The following CEP170B variants were observed in gnomAD, a reference collection of about 807,000 sequenced individuals.
CEP170B encodes the protein centrosomal protein 170B, also known as centrosomal protein of 170 kDa protein B.
In CEP170B, 55 loss-of-function variants were observed where a neutral mutation model predicts 120.6. That is an observed-to-expected ratio of 0.46 (90% CI 0.37 to 0.57). The LOEUF (loss-of-function observed/expected upper bound fraction) is 0.57. CEP170B is among the 20% of genes least tolerant of loss of function. The pLI is 0.00. For missense variants in CEP170B, 2,212 were observed against 2,253.3 expected (o/e 0.98, Z 0.37); for synonymous variants, 1,033 against 954.5 (o/e 1.08, Z -1.52).
Position 104,896,499 on chromosome 14 carries a change from C to T in CEP170B, c.*1541C>T, listed in dbSNP as rs577025632. ...AGTGGTCACGCTTCATCCACGGCTCCTTCCCACCCCTCGGCAGTGGCTGTG... is the reference window on the plus strand; with the variant it reads ...AGTGGTCACGCTTCATCCACGGCTCTTTCCCACCCCTCGGCAGTGGCTGTG... On this transcript the variant is annotated 3_prime_UTR_variant, in exon 19 of 19. Transcript: ENST00000414716. The T allele has an allele frequency of 1.4e-4, 62 of 446,886 alleles. No individual in the cohort carries two copies. The highest frequency in any genetic ancestry group is 9.5e-4 in the South Asian group (61 of 64,336). The allele number at this position is 446,886 out of a possible 1,614,324, so 27.7% of individuals were successfully genotyped here.
Position 104,889,670 on chromosome 14 carries a change from C to T in CEP170B, c.3790C>T (p.Pro1264Ser). The change falls in exon 13 of 19, where the codon CCC becomes TCC. Residue 1264 changes from proline (P) to serine (S), a missense_variant. Transcript: ENST00000414716. ...CTCCAGCCGGGCTCGTTCCCGGGCC[C>T]CCGGCCCCCGGGACACGGACGACGA... is the stretch of plus-strand genomic sequence containing the variant. Reference protein sequence around the residue: ...GSSSRARSRAPGPRDTDDDEE... With the variant: ...GSSSRARSRASGPRDTDDDEE... The T allele has an allele frequency of 6.2e-7, 1 of 1,612,150 alleles. No homozygotes were observed. The highest frequency in any genetic ancestry group is 8.5e-7 in the Non-Finnish European group (1 of 1,179,702).
At chr14:104,879,117 C>G (rs536082350) in intron 5 of CEP170B, among the ~76,000 whole-genome samples, 47 of 152,312 alleles carry the variant, frequency 3.1e-4, no homozygotes, top group African/African-American at 1.1e-3. Context: ...TTTAGATTCT[C>G]TGACATTACA....
rs191077488 is a variant in CEP170B at position 104,889,161 on chromosome 14, G to A, written c.3740-459G>A. 3.2e-4 allele frequency among the ~76,000 whole-genome samples: 48 copies of A among 152,336 alleles called. 2 individuals carry two copies. In the East Asian group the frequency reaches 8.9e-3, roughly 28 times the overall value. On this transcript the variant is annotated intron_variant, in intron 12 of 18. Coordinates refer to ENST00000414716, the MANE Select transcript of CEP170B (RefSeq NM_001112726.3). ...GTGTGGTCCAGCCTGGGCCGCAGCA[G>A]GTCCTGGTGGGGAGGTTTACTCTGT...
Position 104,868,164 on chromosome 14 carries a change from C to A in CEP170B, c.-27-260C>A, listed in dbSNP as rs181837949. On this transcript the variant is annotated intron_variant, in intron 1 of 18. Transcript: ENST00000414716. The surrounding 1 kb of genome is among the most constrained non-coding windows in gnomAD (Gnocchi z 5.9). ...ATAGAGGAGATGAGGTGTGCTGGGG[C>A]CTGGAGGATAAGGGAGAACCAGGCA... Among the ~76,000 whole-genome samples the A allele has an allele frequency of 6.6e-6, 1 of 152,234 alleles. No individual in the cohort carries two copies. Among genetic ancestry groups the A allele is most frequent in the African/African-American group, 2.4e-5 (1 of 41,536 alleles).
intron 8 of CEP170B, 57 bp downstream of exon 8, chr14:104,883,565 G>T (rs1300091073): frequency 4.1e-6 from 6 of 1,469,328 alleles, no homozygotes; most frequent in Non-Finnish European, 2.7e-6. Context: ...ACCGGACTTT[G>T]GCTGGGTCTG....
chr14:104,884,562 G>A lies in CEP170B; in HGVS notation c.1770+13G>A, dbSNP rs545203844. On this transcript the variant is annotated intron_variant, in intron 9 of 18. Transcript: ENST00000414716. ...GATGATCGACCAGGTGCAGCCCAGC[G>A]GCGAGTGAGAGCCCTCGTGGGGAAC... The A allele has an allele frequency of 8.6e-6, 13 of 1,512,456 alleles. No individual in the cohort carries two copies. Among genetic ancestry groups the A allele is most frequent in the Middle Eastern group, 1.8e-4 (1 of 5,480 alleles). 93.7% of individuals were successfully genotyped at this position (1,512,456 alleles called of 1,614,324 possible). A position where few individuals can be genotyped will look rare whatever the true frequency, so the allele number is the denominator to read the frequency against.
At chr14:104,874,700 C>T (rs1040057030) in intron 2 of CEP170B, among the ~76,000 whole-genome samples, 3 of 151,520 alleles carry the variant, frequency 2.0e-5, no homozygotes, top group Non-Finnish European at 4.4e-5. Context: ...CCTCAGTCCT[C>T]CACTGCAGTC....
rs767339962 is a variant in CEP170B, at chr14:104,893,505, C to CG, written c.4039-16dup. ...AGCCTCTGCCTGGGGCCCACGGTGC[C>CG]GGCCCTCCCTCTTGCAGCTGGTGCA... is the stretch of plus-strand genomic sequence containing the variant. On this transcript the variant is annotated splice_polypyrimidine_tract_variant and intron_variant, in intron 14 of 18. Coordinates refer to ENST00000414716, the MANE Select transcript of CEP170B (RefSeq NM_001112726.3). 6.3e-7 allele frequency: 1 copy of CG among 1,596,444 alleles called. No homozygotes were observed. Among genetic ancestry groups the CG allele is most frequent in the Non-Finnish European group, 8.5e-7 (1 of 1,173,298 alleles).
rs1895423244 is a variant in CEP170B, at chr14:104,870,562, G to A, written c.105+2007G>A. ...GGAAGAAGCCAGAGTCAGCCTGCAG[G>A]CAGGGGACTGGTGTGGGTGCTCTTC... On this transcript the variant is annotated intron_variant, in intron 2 of 18. Transcript: ENST00000414716. This position sits in a 1 kb window ranked among gnomAD's most constrained non-coding sequence, Gnocchi z 4.1. Among the ~76,000 whole-genome samples, 1 of 152,188 alleles carries A rather than the reference G, an allele frequency of 6.6e-6. No individual in the cohort carries two copies. The highest frequency in any genetic ancestry group is 1.5e-5 in the Non-Finnish European group (1 of 68,032).
At chr14:104,879,569 GC>G (rs746408266) in intron 5 of CEP170B, among the ~76,000 whole-genome samples, 7 of 152,134 alleles carry the variant, frequency 4.6e-5, no homozygotes, top group Non-Finnish European at 7.3e-5. Flanking sequence ...CGCACTGCCC[GC>G]CCTGGCCGGG....
intron 13 of CEP170B, among the ~76,000 whole-genome samples, 195 bp downstream of exon 13, chr14:104,889,953 A>ATGGATGG (rs1566872516): frequency 2.5e-4 from 4 of 16,128 alleles, no homozygotes; most frequent in African/African-American, 6.0e-4. Flanking sequence ...TGGATGGATG[A>ATGGATGG]ATGGATGGAT....
In CEP170B at chr14:104,887,439, C is replaced by T; in HGVS notation, c.3200C>T (p.Thr1067Ile). The change falls in exon 12 of 19, where the codon ACC becomes ATC. Residue 1067 changes from threonine (T) to isoleucine (I), a missense_variant. Thr to Ile is a moderately conservative substitution (Grantham distance 89). This residue lies in a region of CEP170B where 2,166 missense variants were observed against 2,166.7 expected (regional missense o/e 1.00). Coordinates refer to ENST00000414716, the MANE Select transcript of CEP170B (RefSeq NM_001112726.3). ...GATGTGATGGCCTCCAACCACGAAA[C>T]CCCTGAGGCCACCGGGGCAGGACGG... ...SSDVMASNHE[T>I]PEATGAGRLG... 1 of 1,611,488 alleles carries T rather than the reference C, an allele frequency of 6.2e-7. No homozygotes were observed. The highest frequency in any genetic ancestry group is 8.5e-7 in the Non-Finnish European group (1 of 1,179,296).
rs965618789 is a variant in CEP170B, at chr14:104,870,415, C to T, written c.105+1860C>T. ...CATACCCCACTGCCTCATGGGGCCG[C>T]AGCTGTATTTGGCGGGTTGCTCCCA... On this transcript the variant is annotated intron_variant, in intron 2 of 18. Coordinates refer to ENST00000414716, the MANE Select transcript of CEP170B (RefSeq NM_001112726.3). This position sits in a 1 kb window ranked among gnomAD's most constrained non-coding sequence, Gnocchi z 4.1. Among the ~76,000 whole-genome samples, 1 of 152,242 alleles carries T rather than the reference C, an allele frequency of 6.6e-6. No individual in the cohort carries two copies. Among genetic ancestry groups the T allele is most frequent in the African/African-American group, 2.4e-5 (1 of 41,454 alleles).
chr14:104,876,315 C>T lies in CEP170B; in HGVS notation c.165C>T (p.His55=). Residue 55 remains histidine, a synonymous_variant, in exon 3 of 19, where the codon CAC becomes CAT. Transcript: ENST00000414716. ...VINYDQDRDE[H]WVKDLGSLNG... is the part of the protein sequence containing the mutation. ...ACTACGACCAGGACAGGGACGAGCACTGGGTGAAGGACCTGGGCAGCCTCA... is the reference window on the plus strand; with the variant it reads ...ACTACGACCAGGACAGGGACGAGCATTGGGTGAAGGACCTGGGCAGCCTCA... 1.2e-5 allele frequency: 19 copies of T among 1,550,898 alleles called. No homozygotes were observed. The highest frequency in any genetic ancestry group is 1.7e-5 in the Non-Finnish European group (19 of 1,146,834).
rs145529614 is a variant in CEP170B at position 104,883,704 on chromosome 14, T to TG, written c.1052-120dup. 859 of 1,121,820 alleles carry TG rather than the reference T, an allele frequency of 7.7e-4. 3 individuals carry two copies. Among genetic ancestry groups the TG allele is most frequent in the African/African-American group, 6.3e-3 (400 of 63,722 alleles). 69.5% of individuals were successfully genotyped at this position (1,121,820 alleles called of 1,614,324 possible). On this transcript the variant is annotated intron_variant, in intron 8 of 18. Coordinates refer to ENST00000414716, the MANE Select transcript of CEP170B (RefSeq NM_001112726.3). Reference sequence around the variant, plus strand: ...TCCCGTTGCACTTCTTTGCCCTGTGTGGGGGGGCCCTGAGGGCTGGGGTGC... The same window carrying TG: ...TCCCGTTGCACTTCTTTGCCCTGTGTGGGGGGGGCCCTGAGGGCTGGGGTGC...
intron 2 of CEP170B, among the ~76,000 whole-genome samples, chr14:104,869,704 C>T (rs1306511830): frequency 1.3e-5 from 2 of 152,114 alleles, no homozygotes; most frequent in Non-Finnish European, 2.9e-5. Context: ...TAAAAAGAGG[C>T]CAGAGGAAGC....
In CEP170B at chr14:104,886,325, C is replaced by A; in HGVS notation, c.2086C>A (p.Arg696Ser). 6.4e-7 allele frequency: 1 copy of A among 1,551,156 alleles called. No homozygotes were observed. The highest frequency in any genetic ancestry group is 8.7e-7 in the Non-Finnish European group (1 of 1,152,610). ...GGAGCCGGAGGGGTCCCTGCCTGTG[C>A]GCATGCGGCGACGGCTCCCTCAGCT... ...GGEPEGSLPV[R>S]MRRRLPQLPS... The change falls in exon 12 of 19, where the codon CGC (arginine) becomes AGC (serine). Residue 696 changes from arginine to serine, a missense_variant. Arg to Ser is a moderately radical substitution (Grantham distance 110, BLOSUM62 -1). Around this residue, in one of 2 missense-constraint regions of CEP170B, gnomAD observed 2,166 missense variants for 2,166.7 expected, o/e 1.00. Coordinates refer to ENST00000414716, the MANE Select transcript of CEP170B (RefSeq NM_001112726.3).
chr14:104,892,285 C>T (rs1018840675), intron 13 of CEP170B, among the ~76,000 whole-genome samples: 1 of 152,156 alleles, frequency 6.6e-6, no homozygotes, highest in Non-Finnish European at 1.5e-5. Context: ...CGGCAGGCCC[C>T]TGTCCTCGCT....
intron 2 of CEP170B, among the ~76,000 whole-genome samples, chr14:104,872,092 C>G (rs1361392629): frequency 6.6e-6 from 1 of 152,126 alleles, no homozygotes; most frequent in African/African-American, 2.4e-5. Context: ...TGTGGTGGCC[C>G]AGGCTGTGGT....
Sources: allele counts gnomAD v4.1 joint callset (sites outside exome capture counted in the v4.1 genomes callset), GRCh38; gene constraint gnomAD v4.1.1; regional missense constraint gnomAD v4.1.1; non-coding constraint Gnocchi (gnomAD v3.1); transcripts MANE v1.5; gene names NCBI Gene and HGNC (gene_info 2026-07-23, HGNC 2026-07-21).